The following SLC2A5 variants were observed in gnomAD, a reference collection of about 807,000 sequenced individuals.
The protein encoded by SLC2A5 is solute carrier family 2 member 5.
In SLC2A5, 56 loss-of-function variants were observed where a neutral mutation model predicts 50.3. The ratio of observed to expected loss-of-function variants is 1.11; its 90% CI spans 0.90 to 1.39. The LOEUF (loss-of-function observed/expected upper bound fraction) is 1.39. Ranked by LOEUF, SLC2A5 falls within the 40% of genes most tolerant of loss-of-function variation. The probability of loss-of-function intolerance (pLI) is 0.00; values close to 1 mark genes in which losing one functional copy is unlikely to be tolerated. For missense variants in SLC2A5, 566 were observed against 650.1 expected (o/e 0.87, Z 1.41); for synonymous variants, 269 against 281.9 (o/e 0.95, Z 0.46).
chr1:9,060,668 CCA>C (rs1641917303), intron 1 of SLC2A5, among the ~76,000 whole-genome samples: 3 of 141,912 alleles, frequency 2.1e-5, no homozygotes, highest in African/African-American at 2.6e-5. Context: ...CACACACACC[CCA>C]CACACACACC....
intron 1 of SLC2A5, among the ~76,000 whole-genome samples, chr1:9,069,184 T>C (rs560446987): frequency 6.6e-6 from 1 of 152,286 alleles, no homozygotes; most frequent in East Asian, 1.9e-4. Context: ...TCACCAACCA[T>C]AGAAGGATTT....
chr1:9,081,854 G>C (rs1393175330), intron 2 of SLC2A5, among the ~76,000 whole-genome samples: 1 of 152,104 alleles, frequency 6.6e-6, no homozygotes, highest in East Asian at 1.9e-4. Flanking sequence ...AGCTGAGGTG[G>C]GTGGATCGTT....
At position 9,035,688 on chromosome 1, in the gene SLC2A5, A is replaced by G. The variant is rs1641121368; in HGVS notation, c.*1898T>C. 6.6e-6 allele frequency: 1 copy of G among 152,302 alleles called. No homozygotes were observed. The highest frequency in any genetic ancestry group is 2.4e-5 in the African/African-American group (1 of 41,562). 9.4% of individuals were successfully genotyped at this position (152,302 alleles called of 1,614,324 possible). ...CTCTAAGAAAAACCTCCAGCTCTCT[A>G]TATTTTTGGGGAGAGACCTGTGTTA... On this transcript the variant is annotated 3_prime_UTR_variant, in exon 12 of 12. Transcript: ENST00000377424.
chr1:9,069,420 C>T (rs1449525471), intron 1 of SLC2A5, 84 bp downstream of exon 1: 3 of 1,390,478 alleles, frequency 2.2e-6, no homozygotes, highest in Non-Finnish European at 3.0e-6. Flanking sequence ...ACACCAGGAG[C>T]CCCCCAGCGA....
chr1:9,045,887 A>G (rs1641421845), intron 4 of SLC2A5, among the ~76,000 whole-genome samples: 1 of 151,636 alleles, frequency 6.6e-6, no homozygotes, highest in Non-Finnish European at 1.5e-5. Context: ...AAAAAAAAAA[A>G]AAAAGATGGC....
Position 9,084,689 on chromosome 1 carries a change from G to C in SLC2A5, c.-59+325C>G, listed in dbSNP as rs1420448283. Among the ~76,000 whole-genome samples the C allele has an allele frequency of 2.0e-5, 3 of 152,170 alleles. No individual in the cohort carries two copies. In the East Asian group the frequency reaches 5.8e-4, roughly 29 times the overall value. On this transcript the variant is annotated intron_variant, in intron 2 of 5. Coordinates refer to the SLC2A5 transcript ENST00000464985. Reference sequence around the variant, plus strand: ...TCTCACCCAGGATCTTGAGAAACACGCTTTGGAAGCCAGCAGCCCTATGGG... The same window carrying C: ...TCTCACCCAGGATCTTGAGAAACACCCTTTGGAAGCCAGCAGCCCTATGGG...
chr1:9,093,570 T>C, the SLC2A5 span, among the ~76,000 whole-genome samples: 27,322 of 152,188 alleles, frequency 0.18, 2,645 homozygotes, highest in East Asian at 0.28. Context: ...CTCACTATTC[T>C]ATGGGACCTA....
intron 2 of SLC2A5, among the ~76,000 whole-genome samples, chr1:9,082,237 A>T: frequency 6.6e-6 from 1 of 152,200 alleles, no homozygotes; most frequent in East Asian, 1.9e-4. Flanking sequence ...ATGACCTAGC[A>T]ATTCTACTCC....
At chr1:9,049,094 G>A in intron 3 of SLC2A5, 1 of 455,900 alleles carries the variant, frequency 2.2e-6, no homozygotes, top group Non-Finnish European at 4.4e-6. Context: ...TCAGGAACAA[G>A]CCTACCCTGG....
intron 2 of SLC2A5, among the ~76,000 whole-genome samples, chr1:9,078,821 T>G (rs1474830175): frequency 6.6e-6 from 1 of 152,206 alleles, no homozygotes; most frequent in Non-Finnish European, 1.5e-5. Flanking sequence ...TAATAAATTT[T>G]GCGAACCTCA....
At chr1:9,055,390 G>A (rs1273630321) in intron 3 of SLC2A5, among the ~76,000 whole-genome samples, 3 of 151,964 alleles carry the variant, frequency 2.0e-5, no homozygotes, top group East Asian at 1.9e-4. Flanking sequence ...GGTGGCATGC[G>A]CCTGTAATCC....
chr1:9,079,858 C>A (rs1301654309), intron 2 of SLC2A5, among the ~76,000 whole-genome samples: 2 of 152,104 alleles, frequency 1.3e-5, no homozygotes, highest in Non-Finnish European at 2.9e-5. Flanking sequence ...AATAAATGTA[C>A]CAGTTGAGTT....
At chr1:9,064,881 C>T (rs1337705128) in intron 1 of SLC2A5, among the ~76,000 whole-genome samples, 1 of 151,886 alleles carries the variant, frequency 6.6e-6, no homozygotes, top group Non-Finnish European at 1.5e-5. Context: ...GGTGAAACCC[C>T]GTCTCTACTA....
chr1:9,037,942 G>C lies in SLC2A5; in HGVS notation c.1257C>G (p.His419Gln), dbSNP rs749980673. The C allele has an allele frequency of 6.2e-7, 1 of 1,614,002 alleles. No individual in the cohort carries two copies. The highest frequency in any genetic ancestry group is 2.2e-5 in the East Asian group (1 of 44,874). The stretch of plus-strand genomic sequence containing the variant: ...AGCCCACGGTGAAGTTGGAGAGCCA[G>C]TGCACACTGCCCCCCACCATGAAGG... ...PSAFMVGGSVHWLSNFTVGLI... is the reference protein window; with the variant it reads ...PSAFMVGGSVQWLSNFTVGLI... Residue 419 changes from histidine to glutamine, a missense_variant, in exon 11 of 12, where the codon CAC becomes CAG. His to Gln is a conservative substitution (Grantham distance 24). Transcript: ENST00000377424.
chr1:9,055,889 C>G (rs1190864191), intron 3 of SLC2A5, among the ~76,000 whole-genome samples: 1 of 152,192 alleles, frequency 6.6e-6, no homozygotes, highest in African/African-American at 2.4e-5. Context: ...GCACTCCAGC[C>G]TGGGCGTCAG....
intron 4 of SLC2A5, among the ~76,000 whole-genome samples, chr1:9,047,039 T>C (rs1365236243): frequency 6.6e-6 from 1 of 152,136 alleles, no homozygotes; most frequent in Non-Finnish European, 1.5e-5. Flanking sequence ...CCTTCCATCA[T>C]GATTGTAAGT....
rs1328986934 is a variant in SLC2A5 at position 9,040,645 on chromosome 1, G to C, written c.572-456C>G. On this transcript the variant is annotated intron_variant, in intron 5 of 11. Transcript: ENST00000377424. The surrounding 1 kb of genome is among the most constrained non-coding windows in gnomAD (Gnocchi z 4.3). ...GAATATCGTTAACATTCCACATAGA[G>C]GGGACACATGGGCTGGCTGCATTGG... 6.2e-6 allele frequency: 1 copy of C among 161,882 alleles called. No individual in the cohort carries two copies. The highest frequency in any genetic ancestry group is 1.3e-5 in the Non-Finnish European group (1 of 74,184). 10.0% of individuals were successfully genotyped at this position (161,882 alleles called of 1,614,324 possible).
chr1:9,041,293 G>A (rs779606142), intron 5 of SLC2A5: 3 of 419,594 alleles, frequency 7.1e-6, no homozygotes, highest in Non-Finnish European at 1.2e-5. Context: ...GGAAGGTGGA[G>A]GCAGGGTCTG....
At chr1:9,079,416 C>G (rs1467043971) in intron 2 of SLC2A5, among the ~76,000 whole-genome samples, 1 of 152,206 alleles carries the variant, frequency 6.6e-6, no homozygotes, top group African/African-American at 2.4e-5. Flanking sequence ...AGCAGAGGCT[C>G]TTCAGGACCC....
Sources: allele counts gnomAD v4.1 joint callset (sites outside exome capture counted in the v4.1 genomes callset), GRCh38; gene constraint gnomAD v4.1.1; non-coding constraint Gnocchi (gnomAD v3.1); transcripts MANE v1.5; gene names NCBI Gene and HGNC (gene_info 2026-07-23, HGNC 2026-07-21).